Variants in ALX4 observed in about 807,000 individuals in gnomAD.
The protein encoded by ALX4 is ALX homeobox 4.
ALX4 carries 22 observed loss-of-function variants against 40.6 expected under a neutral mutation model. That is an observed-to-expected ratio of 0.54 (90% CI 0.39 to 0.77). The LOEUF is 0.77. Ranked by LOEUF, ALX4 falls within the 30% of genes least tolerant of loss-of-function variation. The pLI, the probability that ALX4 is intolerant of heterozygous loss-of-function variation, is 0.00. For missense variants in ALX4, 556 were observed against 564.8 expected, an observed-to-expected ratio of 0.98 and a Z score of 0.16; for synonymous variants, 266 against 240.5, an observed-to-expected ratio of 1.11 and a Z score of -0.98.
At chr11:44,291,641 A>G (rs11037938) in intron 1 of ALX4, among the ~76,000 whole-genome samples, 102,294 of 151,498 alleles carry the variant, frequency 0.68, 34,774 homozygotes, top group South Asian at 0.89. Flanking sequence ...CATGAGCTCA[A>G]GCAATCCGCC....
intron 1 of ALX4, among the ~76,000 whole-genome samples, chr11:44,306,415 T>C (rs1956468858): frequency 6.6e-6 from 1 of 152,236 alleles, no homozygotes; most frequent in African/African-American, 2.4e-5. Flanking sequence ...CGGGGCACCT[T>C]CCTTGCCGAG....
intron 2 of ALX4, among the ~76,000 whole-genome samples, chr11:44,269,538 G>A (rs534565322): frequency 1.6e-4 from 24 of 152,372 alleles, no homozygotes; most frequent in Admixed American, 1.6e-3. Flanking sequence ...ACCCACTAGT[G>A]TGGCTACACG....
At chr11:44,280,031 T>A (rs1209372102) in intron 1 of ALX4, among the ~76,000 whole-genome samples, 1 of 152,160 alleles carries the variant, frequency 6.6e-6, no homozygotes, top group Non-Finnish European at 1.5e-5. Context: ...GCAGAAAATG[T>A]CTCTCGAGTA....
intron 2 of ALX4, among the ~76,000 whole-genome samples, chr11:44,270,303 G>A (rs932393279): frequency 6.6e-6 from 1 of 152,136 alleles, no homozygotes; most frequent in Middle Eastern, 3.2e-3. Context: ...AAGAAGGTCA[G>A]GCTGAGGGAT....
At chr11:44,299,908 G>A (rs1379000682) in intron 1 of ALX4, among the ~76,000 whole-genome samples, 35 of 152,216 alleles carry the variant, frequency 2.3e-4, no homozygotes, top group Admixed American at 2.2e-3. Context: ...ATAGGATTGT[G>A]ATGGTGATTA....
At position 44,267,512 on chromosome 11, in the gene ALX4, T is replaced by C. The variant is rs1353630196; in HGVS notation, c.888A>G (p.Arg296=). Residue 296 remains arginine, a synonymous_variant, in exon 3 of 4, where the codon CGA becomes CGG. Transcript: ENST00000652299. The stretch of plus-strand genomic sequence containing the variant: ...GACTTACCTGGGCGTAGTTCTCAGC[T>C]CGGGTGAGGAGGGGCAGCTCATATG... ...STAYELPLLT[R]AENYAQIQNP... 6.2e-7 allele frequency: 1 copy of C among 1,614,068 alleles called. No individual in the cohort carries two copies. Among genetic ancestry groups the C allele is most frequent in the East Asian group, 2.2e-5 (1 of 44,872 alleles).
Position 44,264,920 on chromosome 11 carries a change from G to A in ALX4, c.1170C>T (p.Thr390=). ...YELNGEPDRK[T]SSIAALRMKA... is the part of the protein sequence containing the mutation. ...TCATGCGGAGGGCCGCGATGCTCGA[G>A]GTCTTGCGGTCCGGCTCGCCGTTGA... Residue 390 remains threonine (T), a synonymous_variant, in exon 4 of 4, where the codon ACC becomes ACT. Transcript: ENST00000652299. 1.2e-6 allele frequency: 2 copies of A among 1,613,064 alleles called. No homozygotes were observed. Among genetic ancestry groups the A allele is most frequent in the Non-Finnish European group, 1.7e-6 (2 of 1,179,938 alleles).
intron 1 of ALX4, among the ~76,000 whole-genome samples, chr11:44,292,235 T>C (rs1328705328): frequency 6.6e-6 from 1 of 152,030 alleles, no homozygotes; most frequent in African/African-American, 2.4e-5. Flanking sequence ...TTGCTTTTTT[T>C]TTTTCTGTTG....
chr11:44,279,694 C>T (rs915921921), intron 1 of ALX4, among the ~76,000 whole-genome samples: 6 of 152,226 alleles, frequency 3.9e-5, no homozygotes, highest in African/African-American at 1.4e-4. Context: ...TCCAATGCTC[C>T]TCCAGGAAGC....
Position 44,309,974 on chromosome 11 carries a change from C to A in ALX4, c.89G>T (p.Gly30Val). 6.3e-7 allele frequency: 1 copy of A among 1,598,026 alleles called. No homozygotes were observed. The highest frequency in any genetic ancestry group is 8.5e-7 in the Non-Finnish European group (1 of 1,172,454). Residue 30 changes from glycine to valine, a missense_variant, in exon 1 of 4, where the codon GGC becomes GTC. By Grantham distance (109) the Gly-to-Val change is moderately radical (BLOSUM62 -3). Coordinates refer to ENST00000652299, the MANE Select transcript of ALX4 (RefSeq NM_021926.4). ...YYSPVSQSRE[G>V]SSPFRAFPGG... ...GGGAAATGCCCTAAAAGGCGACGAG[C>A]CCTCCCGACTCTGCGACACCGGGCT...
intron 1 of ALX4, among the ~76,000 whole-genome samples, chr11:44,306,252 G>A (rs192670015): frequency 9.2e-5 from 14 of 152,354 alleles, no homozygotes; most frequent in African/African-American, 3.1e-4. Context: ...CACATTTGGG[G>A]AAAGGAAGGC....
At chr11:44,279,944 A>C in intron 1 of ALX4, among the ~76,000 whole-genome samples, 1 of 152,206 alleles carries the variant, frequency 6.6e-6, no homozygotes, top group Non-Finnish European at 1.5e-5. Context: ...ATTTCTAACT[A>C]ACAAACATCA....
intron 2 of ALX4, among the ~76,000 whole-genome samples, chr11:44,274,854 G>A (rs1249681026): frequency 6.6e-6 from 1 of 152,226 alleles, no homozygotes; most frequent in East Asian, 1.9e-4. Flanking sequence ...GGAGGTATGA[G>A]TTGGGACTTG....
At chr11:44,273,202 A>AG (rs578236082) in intron 2 of ALX4, among the ~76,000 whole-genome samples, 2 of 152,208 alleles carry the variant, frequency 1.3e-5, no homozygotes, top group Admixed American at 6.5e-5. Flanking sequence ...AAAAAAAAAA[A>AG]AAAAAAAAGA....
Position 44,310,112 on chromosome 11 carries a change from C to A in ALX4, c.-50G>T. The A allele has an allele frequency of 1.3e-6, 2 of 1,524,520 alleles. No homozygotes were observed. Among genetic ancestry groups the A allele is most frequent in the South Asian group, 1.3e-5 (1 of 78,660 alleles). 94.4% of individuals were successfully genotyped at this position (1,524,520 alleles called of 1,614,324 possible). A position where few individuals can be genotyped will look rare whatever the true frequency, so the allele number is the denominator to read the frequency against. ...GGGGACGCGAGCGAGGGCGCGAGGA[C>A]GCCACCGCGCGCCTTGGCTGGGAGT... On this transcript the variant is annotated 5_prime_UTR_variant, in exon 1 of 4. Coordinates refer to ENST00000652299, the MANE Select transcript of ALX4 (RefSeq NM_021926.4).
At chr11:44,291,418 C>CTTTTTTG (rs1956368562) in intron 1 of ALX4, among the ~76,000 whole-genome samples, 1 of 148,950 alleles carries the variant, frequency 6.7e-6, no homozygotes, top group Admixed American at 6.6e-5. Flanking sequence ...TTCTTTCTTT[C>CTTTTTTG]TTTTTTTGGA....
chr11:44,309,523 C>T (rs1956492711), intron 1 of ALX4, 74 bp downstream of exon 1: 8 of 1,525,400 alleles, frequency 5.2e-6, no homozygotes, highest in Non-Finnish European at 7.0e-6. Flanking sequence ...CTCCCGCAAG[C>T]CACCAGTTTC....
At chr11:44,297,658 G>A (rs1201667009) in intron 1 of ALX4, among the ~76,000 whole-genome samples, 1 of 152,152 alleles carries the variant, frequency 6.6e-6, no homozygotes, top group Non-Finnish European at 1.5e-5. Flanking sequence ...AGAGGTTGCA[G>A]TGAGCTGAGA....
At chr11:44,292,300 G>A (rs1250640415) in intron 1 of ALX4, among the ~76,000 whole-genome samples, 1 of 151,698 alleles carries the variant, frequency 6.6e-6, no homozygotes, top group African/African-American at 2.4e-5. Context: ...CAACCTCCTG[G>A]GCTCAAGCAA....
Sources: gnomAD v4.1 joint callset for allele counts (sites outside exome capture counted in the v4.1 genomes callset) on GRCh38, gnomAD v4.1.1 for gene constraint, MANE v1.5 for transcripts, NCBI Gene and HGNC (gene_info 2026-07-23, HGNC 2026-07-21) for gene names.